Variants in SLC24A3 observed in about 807,000 individuals in gnomAD.
The protein encoded by SLC24A3 is sodium/potassium/calcium exchanger 3.
SLC24A3 carries 28 observed loss-of-function variants against 75.8 expected under a neutral mutation model. The ratio of observed to expected loss-of-function variants is 0.37; its 90% CI spans 0.27 to 0.51. The LOEUF is 0.51. SLC24A3 is among the 20% of genes least tolerant of loss of function. The pLI is 0.94. For synonymous variants in SLC24A3, 372 were observed against 334.1 expected, an observed-to-expected ratio of 1.11 and a Z score of -1.24; for missense variants, 663 against 847.8, an observed-to-expected ratio of 0.78 and a Z score of 2.71.
At chr20:19,343,088 A>AAAAAAAG (rs1568594815) in intron 2 of SLC24A3, among the ~76,000 whole-genome samples, 1 of 147,188 alleles carries the variant, frequency 6.8e-6, no homozygotes, top group African/African-American at 2.7e-5. Context: ...AAAAAAAGAA[A>AAAAAAAG]AAAGAAAAAG....
At chr20:19,473,724 C>G (rs1706397587) in intron 2 of SLC24A3, among the ~76,000 whole-genome samples, 1 of 152,190 alleles carries the variant, frequency 6.6e-6, no homozygotes, top group African/African-American at 2.4e-5. Flanking sequence ...ACAATGCTGT[C>G]CACAGAGGGT....
chr20:19,600,530 A>G (rs912526336), intron 6 of SLC24A3, among the ~76,000 whole-genome samples: 2 of 152,254 alleles, frequency 1.3e-5, no homozygotes, highest in African/African-American at 4.8e-5. Context: ...GTTTGAACTG[A>G]AGCAAAATGT....
intron 3 of SLC24A3, among the ~76,000 whole-genome samples, chr20:19,564,335 C>T (rs1568657373): frequency 6.6e-6 from 1 of 152,170 alleles, no homozygotes; most frequent in Non-Finnish European, 1.5e-5. Flanking sequence ...GGATTGGAGT[C>T]ACACAAACAG....
chr20:19,273,924 A>G (rs1239938302), intron 1 of SLC24A3, among the ~76,000 whole-genome samples: 2 of 151,364 alleles, frequency 1.3e-5, no homozygotes, highest in African/African-American at 2.4e-5. Flanking sequence ...GCCAGTATCA[A>G]TTGAGCCTTT....
At chr20:19,354,122 A>G (rs1007622529) in intron 2 of SLC24A3, among the ~76,000 whole-genome samples, 1 of 152,234 alleles carries the variant, frequency 6.6e-6, no homozygotes, top group Non-Finnish European at 1.5e-5. Context: ...CAATAGTTTC[A>G]AAGAATGCAC....
At position 19,298,108 on chromosome 20, in the gene SLC24A3, C is replaced by A. The variant is rs1428504118; in HGVS notation, c.271+17021C>A. On this transcript the variant is annotated intron_variant, in intron 2 of 16. Transcript: ENST00000328041. ...TGTAGTGGAAGCTGCTTTCAGTGGC[C>A]AGCAGCCTCTTCATTACAGACACAG... Among the ~76,000 whole-genome samples the A allele has an allele frequency of 7.2e-5, 11 of 152,188 alleles. 1 individual carries two copies.
chr20:19,378,907 CA>C (rs11475629), intron 2 of SLC24A3, among the ~76,000 whole-genome samples: 65,478 of 138,188 alleles, frequency 0.47, 14,560 homozygotes, highest in Admixed American at 0.6. Context: ...AAAAAAAGCT[CA>C]AAAAAAAAAA....
At chr20:19,255,021 C>T (rs1402444304) in intron 1 of SLC24A3, among the ~76,000 whole-genome samples, 1 of 152,240 alleles carries the variant, frequency 6.6e-6, no homozygotes, top group Non-Finnish European at 1.5e-5. Context: ...AAGCATGCAT[C>T]TGCCTTGCCC....
chr20:19,473,159 G>A (rs1987903152), intron 2 of SLC24A3, among the ~76,000 whole-genome samples: 1 of 152,206 alleles, frequency 6.6e-6, no homozygotes, highest in Non-Finnish European at 1.5e-5. Context: ...TCTTGCTCCT[G>A]AGACTCGGAG....
At chr20:19,402,493 A>T (rs1246257206) in intron 2 of SLC24A3, among the ~76,000 whole-genome samples, 1 of 152,238 alleles carries the variant, frequency 6.6e-6, no homozygotes. Flanking sequence ...ATTGGAAATG[A>T]GGCCATGTCC....
At chr20:19,537,867 G>A (rs541105532) in intron 3 of SLC24A3, among the ~76,000 whole-genome samples, 19 of 144,072 alleles carry the variant, frequency 1.3e-4, no homozygotes, top group South Asian at 2.4e-4. Flanking sequence ...ATCACACACC[G>A]GGGACCGTTG....
intron 6 of SLC24A3, among the ~76,000 whole-genome samples, chr20:19,630,608 T>C (rs756972902): frequency 6.6e-6 from 1 of 152,246 alleles, no homozygotes; most frequent in Non-Finnish European, 1.5e-5. Flanking sequence ...ATTCTTTAGC[T>C]AAAAGGTATC....
chr20:19,683,345 T>TA (rs1429836234), intron 10 of SLC24A3, among the ~76,000 whole-genome samples: 1 of 152,210 alleles, frequency 6.6e-6, no homozygotes, highest in African/African-American at 2.4e-5. Context: ...CAGGAGCTAG[T>TA]ATTACAAGAG....
intron 8 of SLC24A3, among the ~76,000 whole-genome samples, chr20:19,669,316 A>G (rs1303207289): frequency 6.6e-6 from 1 of 152,186 alleles, no homozygotes; most frequent in Non-Finnish European, 1.5e-5. Context: ...AGCCTGGCCA[A>G]CATGGTGAAA....
At chr20:19,457,304 A>G (rs904722791) in intron 2 of SLC24A3, among the ~76,000 whole-genome samples, 1 of 152,150 alleles carries the variant, frequency 6.6e-6, no homozygotes, top group Non-Finnish European at 1.5e-5. Context: ...GGGGCAAATC[A>G]TGTTACCACC....
At chr20:19,679,389 G>A (rs1435559318) in intron 9 of SLC24A3, among the ~76,000 whole-genome samples, 3 of 152,262 alleles carry the variant, frequency 2.0e-5, no homozygotes, top group Non-Finnish European at 4.4e-5. Flanking sequence ...TGCAATCGCA[G>A]GCACTCCGCA....
chr20:19,614,773 C>T (rs1389676595), intron 6 of SLC24A3, among the ~76,000 whole-genome samples: 2 of 152,206 alleles, frequency 1.3e-5, no homozygotes, highest in African/African-American at 4.8e-5. Flanking sequence ...TGCCTCTTTT[C>T]CTAAGTGGAT....
intron 2 of SLC24A3, among the ~76,000 whole-genome samples, chr20:19,359,071 C>T (rs1985740132): frequency 6.6e-6 from 1 of 152,170 alleles, no homozygotes; most frequent in African/African-American, 2.4e-5. Flanking sequence ...AATAGTGCTA[C>T]TGTGAACATT....
At chr20:19,468,970 T>C (rs1987816683) in intron 2 of SLC24A3, among the ~76,000 whole-genome samples, 1 of 152,136 alleles carries the variant, frequency 6.6e-6, no homozygotes, top group South Asian at 2.1e-4. Context: ...CTAGAGTGAA[T>C]GGCCTGGACA....
Sources: allele counts gnomAD v4.1 joint callset (sites outside exome capture counted in the v4.1 genomes callset), GRCh38; gene constraint gnomAD v4.1.1; transcripts MANE v1.5; gene names NCBI Gene and HGNC (gene_info 2026-07-23, HGNC 2026-07-21).